The following PNN variants were observed in gnomAD, a reference collection of about 807,000 sequenced individuals.
The protein encoded by PNN is pinin, desmosome associated protein, also known as pinin.
PNN carries 38 observed loss-of-function variants against 76.6 expected under a neutral mutation model. The ratio of observed to expected loss-of-function variants is 0.50; its 90% CI spans 0.38 to 0.65. The LOEUF is 0.65. Among genes scored for constraint, PNN ranks in the 30% least tolerant of loss-of-function variants. The pLI, the probability that PNN is intolerant of heterozygous loss-of-function variation, is 0.00. For missense variants in PNN, 873 were observed against 874.1 expected (o/e 1.00, Z 0.02); for synonymous variants, 366 against 283.7 (o/e 1.29, Z -2.91).
Position 39,181,794 on chromosome 14 carries a change from T to C in PNN, c.2085T>C (p.Ser695=), listed in dbSNP as rs1166801074. 3.3e-5 allele frequency: 54 copies of C among 1,613,298 alleles called. No individual in the cohort carries two copies. Among genetic ancestry groups the C allele is most frequent in the Non-Finnish European group, 4.6e-5 (54 of 1,179,796 alleles). ...GAAAGAGGTCTATATCAGAGAGTAG[T>C]CGATCAGGCAAAAGATCTTCAAGAA... ...SDRKRSISES[S]RSGKRSSRSE... Residue 695 remains serine, a synonymous_variant, in exon 9 of 9, where the codon AGT becomes AGC. Transcript: ENST00000216832.
intron 2 of PNN, 183 bp downstream of exon 2, chr14:39,176,332 A>G (rs2053223746): frequency 3.2e-6 from 2 of 633,704 alleles, no homozygotes; most frequent in African/African-American, 3.7e-5. Context: ...AGGTTGAAGA[A>G]TATATTAAGT....
chr14:39,175,490 C>T (rs2053212888), intron 1 of PNN, 98 bp downstream of exon 1: 13 of 766,202 alleles, frequency 1.7e-5, no homozygotes, highest in Middle Eastern at 7.1e-4. Context: ...CTTAAGAAGA[C>T]TGGAACCTCG....
Position 39,176,085 on chromosome 14 carries a change from C to G in PNN, c.121C>G (p.Gln41Glu). The G allele has an allele frequency of 6.2e-7, 1 of 1,600,986 alleles. No individual in the cohort carries two copies. The highest frequency in any genetic ancestry group is 8.6e-7 in the Non-Finnish European group (1 of 1,168,082). The stretch of plus-strand genomic sequence containing the variant: ...TTTGTAAATCTTTTACAGGCCCATC[C>G]AAGCCAGATTGCTGGCCCTTTCTGG... ...GRDPNDVRPI[Q>E]ARLLALSGPG... The change falls in exon 2 of 9, where the codon CAA (glutamine) becomes GAA (glutamate). Residue 41 changes from glutamine to glutamate, a missense_variant. Coordinates refer to ENST00000216832, the MANE Select transcript of PNN (RefSeq NM_002687.4).
chr14:39,180,893 A>T lies in PNN; in HGVS notation c.1184A>T (p.Asn395Ile), dbSNP rs1250682406. ...EVMDVLEMVE[N>I]VKHVIADQEV... Reference sequence around the variant, plus strand: ...ATGGATGTGCTAGAGATGGTTGAGAATGTCAAACATGTAATTGCTGACCAG... The same window carrying T: ...ATGGATGTGCTAGAGATGGTTGAGATTGTCAAACATGTAATTGCTGACCAG... The change falls in exon 9 of 9, where the codon AAT (asparagine) becomes ATT (isoleucine). Residue 395 changes from asparagine to isoleucine, a missense_variant. Asn to Ile is a moderately radical substitution (Grantham distance 149). Coordinates refer to ENST00000216832, the MANE Select transcript of PNN (RefSeq NM_002687.4). 4 of 1,613,974 alleles carry T rather than the reference A, an allele frequency of 2.5e-6. No individual in the cohort carries two copies. In the South Asian group the frequency reaches 4.4e-5, roughly 18 times the overall value.
In PNN at chr14:39,179,216, T is replaced by C. The variant is rs757488405; in HGVS notation, c.624T>C (p.Leu208=). Residue 208 remains leucine, a synonymous_variant, in exon 7 of 9, where the codon CTT becomes CTC. Coordinates refer to ENST00000216832, the MANE Select transcript of PNN (RefSeq NM_002687.4). ...ERRAKQTELR[L]LEQKVELAQL... Reference sequence around the variant, plus strand: ...GTGCTAAACAGACAGAACTGCGGCTTTTGGAACAGAAAGTTGAGCTTGCGC... The same window carrying C: ...GTGCTAAACAGACAGAACTGCGGCTCTTGGAACAGAAAGTTGAGCTTGCGC... 4 of 1,612,418 alleles carry C rather than the reference T, an allele frequency of 2.5e-6. No individual in the cohort carries two copies. The African/African-American group carries it at 5.3e-5, about 22-fold the overall frequency.
In PNN at chr14:39,175,748, G is replaced by T; in HGVS notation, c.114-330G>T. ...ACACCCGGCCCGTTGCTGGCCCCGA[G>T]ACCCTGCCGGGACGCAACAAGCCGC... On this transcript the variant is annotated intron_variant, in intron 1 of 8. Transcript: ENST00000216832. 2 of 466,878 alleles carry T rather than the reference G, an allele frequency of 4.3e-6. 1 individual carries two copies. The highest frequency in any genetic ancestry group is 4.8e-5 in the South Asian group (2 of 41,926). 28.9% of individuals were successfully genotyped at this position (466,878 alleles called of 1,614,324 possible).
chr14:39,180,580 A>C lies in PNN; in HGVS notation c.871A>C (p.Lys291Gln). 1.2e-6 allele frequency: 2 copies of C among 1,614,040 alleles called. No individual in the cohort carries two copies. The highest frequency in any genetic ancestry group is 1.7e-5 in the Admixed American group (1 of 59,984). Residue 291 changes from lysine (K) to glutamine (Q), a missense_variant, in exon 9 of 9, where the codon AAG becomes CAG. By Grantham distance (53) the Lys-to-Gln change is moderately conservative (BLOSUM62 1). This residue lies in a region of PNN where 712 missense variants were observed against 693.1 expected (regional missense o/e 1.03). Transcript: ENST00000216832. ...GGCTAGGCCTAGAAGACAATCAATG[A>C]AGGAAAAAGAGCATCAGGTGGTGCG... ...MEARPRRQSM[K>Q]EKEHQVVRNE...
chr14:39,179,983 G>C (rs1031028422), intron 8 of PNN, among the ~76,000 whole-genome samples: 2 of 151,828 alleles, frequency 1.3e-5, no homozygotes, highest in African/African-American at 4.8e-5. Flanking sequence ...AGTTTAATGT[G>C]AAAGTTATAG....
At chr14:39,175,920 G>T in intron 1 of PNN, 158 bp from the exon 2 acceptor site, 1 of 595,328 alleles carries the variant, frequency 1.7e-6, no homozygotes, top group Non-Finnish European at 3.0e-6. Flanking sequence ...AAATGAAATA[G>T]TACTTCCTGT....
At chr14:39,177,180 T>C (rs2053233233) in intron 3 of PNN, among the ~76,000 whole-genome samples, 1 of 151,838 alleles carries the variant, frequency 6.6e-6, no homozygotes, top group Non-Finnish European at 1.5e-5. Flanking sequence ...AGCCCAGGAG[T>C]TGGAGAACAG....
chr14:39,179,570 G>A (rs957241399), intron 8 of PNN, 108 bp downstream of exon 8: 15 of 1,002,138 alleles, frequency 1.5e-5, no homozygotes, highest in Non-Finnish European at 2.1e-5. Context: ...TTGGTTTGCT[G>A]TGTTTGCTTT....
intron 8 of PNN, 66 bp downstream of exon 8, chr14:39,179,528 G>A (rs916649339): frequency 1.5e-5 from 19 of 1,278,006 alleles, no homozygotes; most frequent in African/African-American, 1.1e-4. Flanking sequence ...ATATGCACAC[G>A]TTTGTTTTCT....
At chr14:39,178,747 T>C (rs566220044) in intron 6 of PNN, among the ~76,000 whole-genome samples, 1 of 125,290 alleles carries the variant, frequency 8.0e-6, no homozygotes, top group African/African-American at 3.4e-5. Flanking sequence ...AAAAAAAAAA[T>C]TTTTTTTGAG....
At chr14:39,175,582 C>T (rs2053213925) in intron 1 of PNN, among the ~76,000 whole-genome samples, 190 bp downstream of exon 1, 2 of 152,226 alleles carry the variant, frequency 1.3e-5, no homozygotes, top group Non-Finnish European at 2.9e-5. Flanking sequence ...GAGCGCTGGT[C>T]TCAGGTCCCT....
At position 39,177,962 on chromosome 14, in the gene PNN, A is replaced by AGT. The variant is rs775174968; in HGVS notation, c.498+47_498+48dup. On this transcript the variant is annotated intron_variant, in intron 6 of 8. Transcript: ENST00000216832. ...TTGCATCATATATTTAAGTTATCAAAGTAGTAGATTAATGTTTTTTTTAAA... is the reference window on the plus strand; with the variant it reads ...TTGCATCATATATTTAAGTTATCAAAGTGTAGTAGATTAATGTTTTTTTTAAA... 3 of 1,141,930 alleles carry AGT rather than the reference A, an allele frequency of 2.6e-6. No individual in the cohort carries two copies. In the South Asian group the frequency reaches 3.9e-5, roughly 15 times the overall value. 70.7% of individuals were successfully genotyped at this position (1,141,930 alleles called of 1,614,324 possible). A position where few individuals can be genotyped will look rare whatever the true frequency, so the allele number is the denominator to read the frequency against.
chr14:39,175,371 G>C lies in PNN; in HGVS notation c.92G>C (p.Gly31Ala). Residue 31 changes from glycine (G) to alanine (A), a missense_variant, in exon 1 of 9, where the codon GGG (glycine) becomes GCG (alanine). Physicochemically the swap from Gly to Ala is moderately conservative, Grantham distance 60 (BLOSUM62 0). This residue lies in a region of PNN where 156 missense variants were observed against 161.7 expected (regional missense o/e 0.96). Transcript: ENST00000216832. The stretch of plus-strand genomic sequence containing the variant: ...GATGAGAACATTCGCAAGCTCACCG[G>C]GCGGGATCCGAATGACGTGAGGTAA... Reference protein sequence around the residue: ...NVDENIRKLTGRDPNDVRPIQ... With the variant: ...NVDENIRKLTARDPNDVRPIQ... 6.2e-7 allele frequency: 1 copy of C among 1,610,368 alleles called. No individual in the cohort carries two copies. The highest frequency in any genetic ancestry group is 8.5e-7 in the Non-Finnish European group (1 of 1,177,020).
chr14:39,177,344 C>T lies in PNN; in HGVS notation c.255-68C>T, dbSNP rs545227764. 6.3e-6 allele frequency: 8 copies of T among 1,270,372 alleles called. No homozygotes were observed. The African/African-American group carries it at 1.2e-4, about 19-fold the overall frequency. The allele number at this position is 1,270,372 out of a possible 1,614,324, so 78.7% of individuals were successfully genotyped here. A position where few individuals can be genotyped will look rare whatever the true frequency, so the allele number is the denominator to read the frequency against. Reference sequence around the variant, plus strand: ...GAGGCTGCAGTGAACCGTGGTGGCACCACTGCACTTCAGCCTGGGTGGTAT... The same window carrying T: ...GAGGCTGCAGTGAACCGTGGTGGCATCACTGCACTTCAGCCTGGGTGGTAT... On this transcript the variant is annotated intron_variant, in intron 3 of 8. Transcript: ENST00000216832.
rs1319299469 is a variant in PNN, at chr14:39,181,886, G to T, written c.*23G>T. 5 of 1,536,236 alleles carry T rather than the reference G, an allele frequency of 3.3e-6. No individual in the cohort carries two copies. Among genetic ancestry groups the T allele is most frequent in the Non-Finnish European group, 4.3e-6 (5 of 1,150,684 alleles). On this transcript the variant is annotated 3_prime_UTR_variant, in exon 9 of 9. Transcript: ENST00000216832. Reference sequence around the variant, plus strand: ...TAATGGAAGAAGCCAGGCTTTCTTAGCCATTCTTTGCAGCAGAAGATTTCT... The same window carrying T: ...TAATGGAAGAAGCCAGGCTTTCTTATCCATTCTTTGCAGCAGAAGATTTCT...
chr14:39,175,677 C>T lies in PNN; in HGVS notation c.113+285C>T, dbSNP rs533140658. ...GGACTGCTGATTCCCGCTCTCGGCC[C>T]TGCAGGCCCGGAACTGCAGCACAAA... On this transcript the variant is annotated intron_variant, in intron 1 of 8. Transcript: ENST00000216832. 3.2e-4 allele frequency: 156 copies of T among 490,778 alleles called. 1 individual carries two copies. In the East Asian group the frequency reaches 6.0e-3, roughly 19 times the overall value. The allele number at this position is 490,778 out of a possible 1,614,324, so 30.4% of individuals were successfully genotyped here. A position where few individuals can be genotyped will look rare whatever the true frequency, so the allele number is the denominator to read the frequency against.
Sources: gnomAD v4.1 joint callset for allele counts (sites outside exome capture counted in the v4.1 genomes callset) on GRCh38, gnomAD v4.1.1 for gene constraint, gnomAD v4.1.1 regional missense constraint, MANE v1.5 for transcripts, NCBI Gene and HGNC (gene_info 2026-07-23, HGNC 2026-07-21) for gene names.